The following GYS1 variants were observed in gnomAD, a reference collection of about 807,000 sequenced individuals.
GYS1 encodes the protein glycogen synthase 1, also known as glycogen [starch] synthase, muscle.
A neutral mutation model predicts 89.1 loss-of-function variants in GYS1; 60 were observed. The ratio of observed to expected loss-of-function variants is 0.67; its 90% CI spans 0.55 to 0.84. GYS1 has a LOEUF of 0.84. Ranked by LOEUF, GYS1 falls within the 40% of genes least tolerant of loss-of-function variation. The pLI is 0.00. For missense variants in GYS1, 888 were observed against 1,003.1 expected, an observed-to-expected ratio of 0.89 and a Z score of 1.55; for synonymous variants, 366 against 401.7, an observed-to-expected ratio of 0.91 and a Z score of 1.06.
Position 48,986,227 on chromosome 19 carries a change from A to C in GYS1, c.493-192T>G, listed in dbSNP as rs1301297665. Among the ~76,000 whole-genome samples, 3 of 152,016 alleles carry C rather than the reference A, an allele frequency of 2.0e-5. No individual in the cohort carries two copies. In the East Asian group the frequency reaches 5.8e-4, roughly 29 times the overall value. ...CCTGAGGCAGCCCAGGCTGGTCTTG[A>C]ACTCCTGGGCTCAAGTGACTGCCTC... is the stretch of plus-strand genomic sequence containing the variant. On this transcript the variant is annotated intron_variant, in intron 3 of 15. Coordinates refer to ENST00000323798, the MANE Select transcript of GYS1 (RefSeq NM_002103.5).
chr19:48,980,292 T>A (rs1479819286), intron 8 of GYS1, among the ~76,000 whole-genome samples: 1 of 152,204 alleles, frequency 6.6e-6, no homozygotes, highest in African/African-American at 2.4e-5. Flanking sequence ...CCGTCTCATA[T>A]TCCAGTTCTG....
intron 10 of GYS1, among the ~76,000 whole-genome samples, chr19:48,974,982 A>G (rs2038623097): frequency 1.3e-5 from 2 of 152,028 alleles, no homozygotes; most frequent in South Asian, 2.1e-4. Context: ...CCAGGCTGGA[A>G]TGCAGTGGCA....
At chr19:48,980,700 C>T (rs1293456729) in intron 8 of GYS1, among the ~76,000 whole-genome samples, 7 of 151,798 alleles carry the variant, frequency 4.6e-5, no homozygotes, top group Admixed American at 3.9e-4. Flanking sequence ...AGAAACTAAG[C>T]CAGGCGCAGT....
intron 10 of GYS1, among the ~76,000 whole-genome samples, chr19:48,975,911 C>CAAAA (rs760164673): frequency 1.2e-3 from 48 of 41,170 alleles, no homozygotes; most frequent in African/African-American, 1.6e-3. Context: ...GACTCCGTCT[C>CAAAA]AAAAAAAAAA....
At chr19:48,971,409 T>TA (rs1454093596) in intron 12 of GYS1, among the ~76,000 whole-genome samples, 1 of 152,140 alleles carries the variant, frequency 6.6e-6, no homozygotes, top group Admixed American at 6.6e-5. Context: ...TGTACGGACT[T>TA]AGTCTATTTT....
intron 10 of GYS1, among the ~76,000 whole-genome samples, chr19:48,976,742 CCTTTT>C (rs983199772): frequency 5.3e-5 from 8 of 151,984 alleles, no homozygotes; most frequent in African/African-American, 1.7e-4. Flanking sequence ...GCTGTCTTGA[CCTTTT>C]CTTTTCTTTC....
intron 8 of GYS1, among the ~76,000 whole-genome samples, chr19:48,979,336 CTTTTTTTTTTTT>C (rs777178030): frequency 3.5e-4 from 32 of 92,726 alleles, no homozygotes; most frequent in African/African-American, 1.2e-3. Flanking sequence ...TTTTTCTTTT[CTTTTTTTTTTTT>C]TTTTTTTTTT....
At position 48,986,137 on chromosome 19, in the gene GYS1, C is replaced by T. The variant is rs746843887; in HGVS notation, c.493-102G>A. ...ACTCGGGGAGAGGTCAATCTGTCAC[C>T]ACTACTGCACAGAGTGGGCAGCGGC... On this transcript the variant is annotated intron_variant, in intron 3 of 15. Coordinates refer to ENST00000323798, the MANE Select transcript of GYS1 (RefSeq NM_002103.5). 1.9e-4 allele frequency: 191 copies of T among 1,013,398 alleles called. 1 individual carries two copies. Among genetic ancestry groups the T allele is most frequent in the Non-Finnish European group, 2.7e-4 (178 of 664,816 alleles). The allele number at this position is 1,013,398 out of a possible 1,614,324, so 62.8% of individuals were successfully genotyped here.
chr19:48,984,115 C>A (rs1447947866), intron 5 of GYS1, among the ~76,000 whole-genome samples: 1 of 152,114 alleles, frequency 6.6e-6, no homozygotes, highest in Admixed American at 6.5e-5. Flanking sequence ...TCTCCTGCCT[C>A]AGCCTCCCGA....
At chr19:48,987,885 C>G (rs2038866517) in intron 2 of GYS1, among the ~76,000 whole-genome samples, 1 of 152,038 alleles carries the variant, frequency 6.6e-6, no homozygotes, top group Admixed American at 6.6e-5. Flanking sequence ...ACTGCAACCT[C>G]TGCCTCCTGG....
chr19:48,968,964 C>G lies in GYS1; in HGVS notation c.*324G>C, dbSNP rs756214709. 7 of 569,160 alleles carry G rather than the reference C, an allele frequency of 1.2e-5. No individual in the cohort carries two copies. The highest frequency in any genetic ancestry group is 2.3e-5 in the Non-Finnish European group (7 of 301,082). The allele number at this position is 569,160 out of a possible 1,614,324, so 35.3% of individuals were successfully genotyped here. A position where few individuals can be genotyped will look rare whatever the true frequency, so the allele number is the denominator to read the frequency against. On this transcript the variant is annotated 3_prime_UTR_variant, in exon 16 of 16. Coordinates refer to ENST00000323798, the MANE Select transcript of GYS1 (RefSeq NM_002103.5). ...TCTAAAAGCCCCAGACCTGAAAGCA[C>G]CATGCCAGGTTTCCTAAAACCTCTG...
intron 10 of GYS1, among the ~76,000 whole-genome samples, chr19:48,977,448 C>T (rs945870713): frequency 5.9e-5 from 9 of 151,914 alleles, no homozygotes; most frequent in Non-Finnish European, 1.2e-4. Context: ...TATAAATTAG[C>T]TGGGTGTGGT....
chr19:48,971,683 T>C (rs1219869551), intron 12 of GYS1, among the ~76,000 whole-genome samples: 1 of 151,404 alleles, frequency 6.6e-6, no homozygotes, highest in African/African-American at 2.4e-5. Context: ...GCCACCCGAG[T>C]AGCTGGGACT....
chr19:48,974,752 G>A lies in GYS1; in HGVS notation c.1309-19C>T, dbSNP rs1352501426. Reference sequence around the variant, plus strand: ...ACTGCCGCTGCAGGAGCCACAAGAAGGGTAAGGGGTCATGGAAGGGACAGA... The same window carrying A: ...ACTGCCGCTGCAGGAGCCACAAGAAAGGTAAGGGGTCATGGAAGGGACAGA... On this transcript the variant is annotated intron_variant, in intron 10 of 15. Coordinates refer to ENST00000323798, the MANE Select transcript of GYS1 (RefSeq NM_002103.5). 3 of 1,532,856 alleles carry A rather than the reference G, an allele frequency of 2.0e-6. No homozygotes were observed. The highest frequency in any genetic ancestry group is 2.2e-5 in the South Asian group (2 of 89,386). The allele number at this position is 1,532,856 out of a possible 1,614,324, so 95.0% of individuals were successfully genotyped here.
intron 13 of GYS1, 32 bp downstream of exon 13, chr19:48,970,896 C>A: frequency 6.4e-7 from 1 of 1,553,052 alleles, no homozygotes; most frequent in Non-Finnish European, 8.9e-7. Flanking sequence ...CTCAAGCCCC[C>A]TTCCAGAATC....
intron 3 of GYS1, among the ~76,000 whole-genome samples, chr19:48,986,485 GCTT>G (rs932582695): frequency 7.3e-5 from 11 of 151,282 alleles, no homozygotes; most frequent in African/African-American, 2.4e-4. Flanking sequence ...GAGAAATTAA[GCTT>G]CTTTTTTTTT....
chr19:48,982,324 G>A lies in GYS1; in HGVS notation c.993C>T (p.Arg331=). The change falls in exon 7 of 16, where the codon CGC becomes CGT. Residue 331 remains arginine, a synonymous_variant. Coordinates refer to ENST00000323798, the MANE Select transcript of GYS1 (RefSeq NM_002103.5). ...DKTLYFFIAG[R]YEFSNKGADV... ...CAGCACCCTTGTTGGAGAACTCATA[G>A]CGGCCGGCGATAAAGAAGTATAAGG... 1 of 1,613,872 alleles carries A rather than the reference G, an allele frequency of 6.2e-7. No individual in the cohort carries two copies. The highest frequency in any genetic ancestry group is 8.5e-7 in the Non-Finnish European group (1 of 1,179,862).
intron 6 of GYS1, among the ~76,000 whole-genome samples, 168 bp from the exon 7 acceptor site, chr19:48,982,543 T>C (rs1290672200): frequency 1.3e-5 from 2 of 152,036 alleles, no homozygotes; most frequent in East Asian, 1.9e-4. Flanking sequence ...TAGATGGAGA[T>C]TTCCTTTAAT....
intron 5 of GYS1, among the ~76,000 whole-genome samples, chr19:48,984,545 A>G (rs1036700019): frequency 4.7e-5 from 7 of 150,238 alleles, no homozygotes; most frequent in Admixed American, 4.0e-4. Flanking sequence ...ACAGGCACCC[A>G]CCACCACGCC....
Sources: allele counts gnomAD v4.1 joint callset (sites outside exome capture counted in the v4.1 genomes callset), GRCh38; gene constraint gnomAD v4.1.1; transcripts MANE v1.5; gene names NCBI Gene and HGNC (gene_info 2026-07-23, HGNC 2026-07-21).